The following NALF1 variants were observed in gnomAD, a reference collection of about 807,000 sequenced individuals.
NALF1 encodes NALCN channel auxiliary factor 1.
Under a neutral mutation model 48.4 loss-of-function variants are expected in NALF1, and 3 were observed. The observed-to-expected ratio is 0.06, with a 90% confidence interval of 0.03 to 0.16. NALF1 has a LOEUF of 0.16. Among genes scored for constraint, NALF1 ranks in the 10% least tolerant of loss-of-function variants. NALF1 has a pLI of 1.00. For synonymous variants in NALF1, 262 were observed against 245.7 expected, an observed-to-expected ratio of 1.07 and a Z score of -0.62; for missense variants, 526 against 571.5, an observed-to-expected ratio of 0.92 and a Z score of 0.81.
At chr13:107,449,965 A>T (rs1884712945) in intron 1 of NALF1, among the ~76,000 whole-genome samples, 1 of 152,106 alleles carries the variant, frequency 6.6e-6, no homozygotes, top group Non-Finnish European at 1.5e-5. Flanking sequence ...TACTCTGGCC[A>T]GAGTTGGCAT....
At position 107,674,551 on chromosome 13, in the gene NALF1, T is replaced by G. The variant is rs1234888633; in HGVS notation, c.915+191131A>C. Among the ~76,000 whole-genome samples the G allele has an allele frequency of 9.8e-5, 15 of 152,310 alleles. No homozygotes were observed. The East Asian group carries it at 2.7e-3, about 27-fold the overall frequency. ...TCATTATTTTTTCTTAAATAGCATT[T>G]ATTGAGTCCATTCTACTTGCCATGC... On this transcript the variant is annotated intron_variant, in intron 1 of 2. Coordinates refer to ENST00000375915, the MANE Select transcript of NALF1 (RefSeq NM_001080396.3).
At chr13:107,394,247 T>G (rs1883673213) in intron 1 of NALF1, among the ~76,000 whole-genome samples, 1 of 152,210 alleles carries the variant, frequency 6.6e-6, no homozygotes, top group South Asian at 2.1e-4. Context: ...CAGTAACTTA[T>G]TAAAATGATA....
intron 1 of NALF1, among the ~76,000 whole-genome samples, chr13:107,694,490 A>G (rs1236643157): frequency 6.6e-6 from 1 of 152,090 alleles, no homozygotes; most frequent in East Asian, 1.9e-4. Context: ...GAAAAATCTG[A>G]TATATTTTGT....
intron 1 of NALF1, among the ~76,000 whole-genome samples, chr13:107,862,572 A>G (rs889234702): frequency 6.6e-6 from 1 of 152,044 alleles, no homozygotes; most frequent in African/African-American, 2.4e-5. Context: ...TTATCCATAA[A>G]TAATTTCCCA....
chr13:107,585,988 A>G (rs1470962927), intron 1 of NALF1, among the ~76,000 whole-genome samples: 2 of 152,162 alleles, frequency 1.3e-5, no homozygotes, highest in East Asian at 3.9e-4. Flanking sequence ...ATTCTGCACC[A>G]TCTAATGTGA....
chr13:107,731,385 T>TTAATTATTATTTA, intron 1 of NALF1, among the ~76,000 whole-genome samples: 1 of 152,254 alleles, frequency 6.6e-6, no homozygotes, highest in Middle Eastern at 3.4e-3. Context: ...TACTTGAGAA[T>TTAATTATTATTTA]CCACAATTAA....
rs371093950 is a variant in NALF1, at chr13:107,503,170, A to G, written c.916-292415T>C. On this transcript the variant is annotated intron_variant, in intron 1 of 2. Coordinates refer to ENST00000375915, the MANE Select transcript of NALF1 (RefSeq NM_001080396.3). The stretch of plus-strand genomic sequence containing the variant: ...GCTCATTCATTCAGTTTTCCTGCCC[A>G]GTTCATTCTTTAAGGCATTTGAAAC... Among the ~76,000 whole-genome samples, 203 of 152,352 alleles carry G rather than the reference A, an allele frequency of 1.3e-3. 2 individuals carry two copies. The highest frequency in any genetic ancestry group is 4.6e-3 in the African/African-American group (192 of 41,586).
At chr13:107,680,184 A>G (rs1454281341) in intron 1 of NALF1, among the ~76,000 whole-genome samples, 1 of 152,136 alleles carries the variant, frequency 6.6e-6, no homozygotes, top group African/African-American at 2.4e-5. Context: ...AAGAGGAGCC[A>G]ATGTTGCCAA....
At chr13:107,741,817 G>C (rs753879570) in intron 1 of NALF1, among the ~76,000 whole-genome samples, 2 of 152,108 alleles carry the variant, frequency 1.3e-5, no homozygotes, top group Non-Finnish European at 2.9e-5. Flanking sequence ...AGTAACCCAA[G>C]ACCTGAAAAT....
intron 1 of NALF1, among the ~76,000 whole-genome samples, chr13:107,227,984 G>T (rs148955781): frequency 6.6e-6 from 1 of 152,076 alleles, no homozygotes; most frequent in East Asian, 1.9e-4. Flanking sequence ...CAATGAAATC[G>T]CTATTTAATT....
At chr13:107,529,614 C>T (rs893777131) in intron 1 of NALF1, among the ~76,000 whole-genome samples, 1 of 152,192 alleles carries the variant, frequency 6.6e-6, no homozygotes, top group African/African-American at 2.4e-5. Context: ...TGACTTCCAG[C>T]TCTTCCAAGA....
chr13:107,731,119 G>A (rs898280981), intron 1 of NALF1, among the ~76,000 whole-genome samples: 9 of 152,132 alleles, frequency 5.9e-5, no homozygotes, highest in Admixed American at 4.6e-4. Context: ...TTTTTGCTGT[G>A]GTCTTTCTTA....
At chr13:107,609,436 C>G (rs371439329) in intron 1 of NALF1, among the ~76,000 whole-genome samples, 296 of 152,304 alleles carry the variant, frequency 1.9e-3, no homozygotes, top group African/African-American at 6.7e-3. Flanking sequence ...CAGTCAGAAC[C>G]TCTGGGATCT....
chr13:107,324,282 A>G (rs1192889758), intron 1 of NALF1, among the ~76,000 whole-genome samples: 1 of 152,198 alleles, frequency 6.6e-6, no homozygotes, highest in Non-Finnish European at 1.5e-5. Flanking sequence ...AAGGCCTATC[A>G]TTTTAAAATA....
chr13:107,730,384 T>C (rs916548585), intron 1 of NALF1, among the ~76,000 whole-genome samples: 2 of 152,176 alleles, frequency 1.3e-5, no homozygotes, highest in African/African-American at 4.8e-5. Flanking sequence ...CTTCCCAAAT[T>C]AGTTTCCATT....
At chr13:107,307,770 C>T (rs1358668770) in intron 1 of NALF1, among the ~76,000 whole-genome samples, 1 of 151,964 alleles carries the variant, frequency 6.6e-6, no homozygotes, top group African/African-American at 2.4e-5. Context: ...AAAGACAATT[C>T]ACCCTTTAAC....
At chr13:107,190,289 C>A (rs984126312) in intron 2 of NALF1, among the ~76,000 whole-genome samples, 1 of 152,018 alleles carries the variant, frequency 6.6e-6, no homozygotes, top group African/African-American at 2.4e-5. Context: ...GTACAAAGAC[C>A]ATTTCCTGCT....
At chr13:107,253,065 T>C (rs1880735644) in intron 1 of NALF1, among the ~76,000 whole-genome samples, 1 of 152,064 alleles carries the variant, frequency 6.6e-6, no homozygotes, top group Non-Finnish European at 1.5e-5. Context: ...CTGTAAAATA[T>C]TAGTGAGTAT....
intron 1 of NALF1, among the ~76,000 whole-genome samples, chr13:107,217,909 TGATTATTCCA>T (rs144917065): frequency 0.047 from 7,167 of 152,188 alleles, 206 homozygotes; most frequent in East Asian, 0.084. Flanking sequence ...AAAATTAATT[TGATTATTCCA>T]GATTATTCCA....
Sources: allele counts gnomAD v4.1 joint callset (sites outside exome capture counted in the v4.1 genomes callset), GRCh38; gene constraint gnomAD v4.1.1; transcripts MANE v1.5; gene names NCBI Gene and HGNC (gene_info 2026-07-23, HGNC 2026-07-21).